Variants in PTPN3 observed in about 807,000 individuals in gnomAD.
PTPN3 encodes the protein tyrosine-protein phosphatase non-receptor type 3.
PTPN3 carries 96 observed loss-of-function variants against 132.7 expected under a neutral mutation model. The observed-to-expected ratio is 0.72, with a 90% CI of 0.61 to 0.86. PTPN3 has a LOEUF of 0.86. Ranked by LOEUF, PTPN3 falls within the 40% of genes least tolerant of loss-of-function variation. The pLI, the probability that PTPN3 is intolerant of heterozygous loss-of-function variation, is 0.00. For synonymous variants in PTPN3, 398 were observed against 429.0 expected, an observed-to-expected ratio of 0.93 and a Z score of 0.89; for missense variants, 1,125 against 1,159.6, an observed-to-expected ratio of 0.97 and a Z score of 0.43.
At chr9:109,417,092 C>T (rs1225363294) in intron 14 of PTPN3, among the ~76,000 whole-genome samples, 6 of 152,162 alleles carry the variant, frequency 3.9e-5, no homozygotes, top group South Asian at 2.1e-4. Flanking sequence ...GGTCTTCATT[C>T]GGAAGCAGGG....
intron 7 of PTPN3, among the ~76,000 whole-genome samples, chr9:109,439,252 C>T (rs1240552335): frequency 1.3e-5 from 2 of 152,050 alleles, no homozygotes; most frequent in African/African-American, 4.8e-5. Context: ...TTCCCTTCTC[C>T]ACAAGTTTTC....
chr9:109,380,878 A>G (rs529480656), intron 25 of PTPN3, among the ~76,000 whole-genome samples: 1 of 152,188 alleles, frequency 6.6e-6, no homozygotes, highest in South Asian at 2.1e-4. Context: ...GCCTTCCTAG[A>G]CTTTCCAAAT....
chr9:109,528,231 G>T, the PTPN3 span, among the ~76,000 whole-genome samples: 2 of 152,130 alleles, frequency 1.3e-5, no homozygotes, highest in Non-Finnish European at 1.5e-5. Context: ...ATGTCACGTG[G>T]CAAATACCCA....
intron 1 of PTPN3, among the ~76,000 whole-genome samples, chr9:109,494,663 A>G (rs1847604266): frequency 6.6e-6 from 1 of 152,156 alleles, no homozygotes; most frequent in African/African-American, 2.4e-5. Flanking sequence ...GAATGGCTGC[A>G]TCCTCTGGTG....
chr9:109,449,126 G>T, intron 5 of PTPN3: 1 of 1,261,086 alleles, frequency 7.9e-7, no homozygotes. Flanking sequence ...AGGGATGAAT[G>T]GGGTGGAAAC....
At chr9:109,420,816 CAGT>C (rs1377625074) in intron 13 of PTPN3, among the ~76,000 whole-genome samples, 1 of 152,186 alleles carries the variant, frequency 6.6e-6, no homozygotes, top group Non-Finnish European at 1.5e-5. Context: ...GCTCCCAAAA[CAGT>C]AGCCTCAGCT....
intron 19 of PTPN3, among the ~76,000 whole-genome samples, chr9:109,400,327 G>C (rs1302137739): frequency 2.6e-5 from 4 of 152,060 alleles, no homozygotes; most frequent in Non-Finnish European, 4.4e-5. Context: ...ATGGCACTTT[G>C]ACCACATACC....
the PTPN3 span, among the ~76,000 whole-genome samples, chr9:109,536,666 G>C: frequency 3.9e-5 from 6 of 152,158 alleles, no homozygotes; most frequent in South Asian, 4.1e-4. Context: ...TGTATGTAAG[G>C]CTTTGAATAT....
intron 1 of PTPN3, among the ~76,000 whole-genome samples, chr9:109,465,704 CTCAAAA>C (rs1406897248): frequency 5.4e-5 from 1 of 18,582 alleles, no homozygotes; most frequent in Admixed American, 7.0e-4. Flanking sequence ...AAAACTCTGT[CTCAAAA>C]AAAAAAAAAA....
At chr9:109,466,621 T>C (rs919397325) in intron 1 of PTPN3, among the ~76,000 whole-genome samples, 4 of 152,224 alleles carry the variant, frequency 2.6e-5, no homozygotes, top group African/African-American at 9.6e-5. Flanking sequence ...CAAGTAGGTC[T>C]TGATAGGACC....
the PTPN3 span, among the ~76,000 whole-genome samples, chr9:109,516,667 G>C: frequency 3.9e-4 from 59 of 152,282 alleles, no homozygotes; most frequent in African/African-American, 1.1e-3. Context: ...TTGTAAGAAG[G>C]GGAGTAACAC....
intron 4 of PTPN3, among the ~76,000 whole-genome samples, chr9:109,454,886 G>A (rs1036768619): frequency 2.6e-5 from 4 of 152,108 alleles, no homozygotes; most frequent in South Asian, 2.1e-4. Context: ...TCCTTAAATC[G>A]GCATTATTAT....
At chr9:109,503,353 C>G in the PTPN3 span, among the ~76,000 whole-genome samples, 2 of 152,108 alleles carry the variant, frequency 1.3e-5, no homozygotes, top group African/African-American at 4.8e-5. Context: ...CTCCTGGACT[C>G]GATGAATCTC....
chr9:109,413,738 G>A (rs1842259806), intron 14 of PTPN3, among the ~76,000 whole-genome samples: 1 of 152,152 alleles, frequency 6.6e-6, no homozygotes, highest in Admixed American at 6.5e-5. Context: ...TTCTTAGGGA[G>A]AAAGGGGCAG....
chr9:109,510,556 C>A, the PTPN3 span, among the ~76,000 whole-genome samples: 6 of 23,952 alleles, frequency 2.5e-4, no homozygotes, highest in Non-Finnish European at 3.4e-4. Context: ...GAAACTTTGT[C>A]TTAAAAAAAA....
At chr9:109,389,170 T>C in intron 22 of PTPN3, 63 bp downstream of exon 22, 1 of 1,579,734 alleles carries the variant, frequency 6.3e-7, no homozygotes, top group Non-Finnish European at 8.6e-7. Flanking sequence ...AGCGCTGAGA[T>C]TCATGTTACA....
At chr9:109,480,963 C>T (rs1417870528) in intron 1 of PTPN3, among the ~76,000 whole-genome samples, 4 of 152,186 alleles carry the variant, frequency 2.6e-5, no homozygotes, top group African/African-American at 9.7e-5. Flanking sequence ...GGATAAACCA[C>T]TAGGTTTATC....
At chr9:109,513,043 C>G in the PTPN3 span, among the ~76,000 whole-genome samples, 1 of 152,204 alleles carries the variant, frequency 6.6e-6, no homozygotes, top group Non-Finnish European at 1.5e-5. Context: ...GGGTCTCACT[C>G]TGTTGCCCAG....
chr9:109,506,890 A>G, the PTPN3 span, among the ~76,000 whole-genome samples: 1 of 152,258 alleles, frequency 6.6e-6, no homozygotes, highest in Non-Finnish European at 1.5e-5. Flanking sequence ...GGCATGAGCC[A>G]CAGTGCCCAG....
Sources: allele counts gnomAD v4.1 joint callset (sites outside exome capture counted in the v4.1 genomes callset), GRCh38; gene constraint gnomAD v4.1.1; transcripts MANE v1.5; gene names NCBI Gene and HGNC (gene_info 2026-07-23, HGNC 2026-07-21).